The following RERE variants were observed in gnomAD, a reference collection of about 807,000 sequenced individuals.
RERE encodes the protein arginine-glutamic acid dipeptide repeats protein.
RERE carries 40 observed loss-of-function variants against 146.1 expected under a neutral mutation model. That is an observed-to-expected ratio of 0.27 (90% CI 0.21 to 0.36). RERE has a LOEUF of 0.36. RERE is among the 10% of genes least tolerant of loss of function. The probability of loss-of-function intolerance (pLI) is 1.00; values close to 1 mark genes in which losing one functional copy is unlikely to be tolerated. For synonymous variants in RERE, 1,003 were observed against 866.0 expected, an observed-to-expected ratio of 1.16 and a Z score of -2.78; for missense variants, 1,933 against 2,138.7, an observed-to-expected ratio of 0.90 and a Z score of 1.90.
At chr1:8,508,728 C>T in intron 7 of RERE, 53 bp from the exon 8 acceptor site, 1 of 1,395,290 alleles carries the variant, frequency 7.2e-7, no homozygotes, top group Non-Finnish European at 1.0e-6. Flanking sequence ...TTGACATAAA[C>T]ATTCACACAT....
At position 8,354,717 on chromosome 1, in the gene RERE, T is replaced by G. The variant is rs1641221979; in HGVS notation, c.*370A>C. The G allele has an allele frequency of 5.0e-6, 1 of 200,394 alleles. No homozygotes were observed. Among genetic ancestry groups the G allele is most frequent in the African/African-American group, 2.3e-5 (1 of 43,332 alleles). 12.4% of individuals were successfully genotyped at this position (200,394 alleles called of 1,614,324 possible). A position where few individuals can be genotyped will look rare whatever the true frequency, so the allele number is the denominator to read the frequency against. On this transcript the variant is annotated 3_prime_UTR_variant, in exon 23 of 23. Transcript: ENST00000400908. ...GGGCTCTGGAGCACTCGTGGCGGAGTGTGTCAGTGTGTCTGCACGCACAGT... is the reference window on the plus strand; with the variant it reads ...GGGCTCTGGAGCACTCGTGGCGGAGGGTGTCAGTGTGTCTGCACGCACAGT...
At chr1:8,440,003 G>A (rs996138336) in intron 11 of RERE, among the ~76,000 whole-genome samples, 1 of 152,160 alleles carries the variant, frequency 6.6e-6, no homozygotes, top group African/African-American at 2.4e-5. Context: ...CAACCCGGGA[G>A]GCAGAGGTTG....
At chr1:8,548,921 T>C (rs773463731) in intron 6 of RERE, among the ~76,000 whole-genome samples, 9 of 152,084 alleles carry the variant, frequency 5.9e-5, no homozygotes, top group South Asian at 2.1e-4. Flanking sequence ...GAGGCAGAGG[T>C]TGCAGTGAGC....
At chr1:8,603,217 A>C (rs544280978) in intron 4 of RERE, among the ~76,000 whole-genome samples, 3 of 152,280 alleles carry the variant, frequency 2.0e-5, no homozygotes, top group Non-Finnish European at 4.4e-5. Context: ...TTTACATATA[A>C]CTAAGTAGTA....
intron 11 of RERE, among the ~76,000 whole-genome samples, chr1:8,453,801 T>A (rs1644417538): frequency 7.5e-6 from 1 of 133,010 alleles, no homozygotes; most frequent in South Asian, 2.4e-4. Flanking sequence ...AGAGCAAGAC[T>A]CTGTCTCAAA....
At chr1:8,714,305 C>T (rs1465815355) in intron 1 of RERE, among the ~76,000 whole-genome samples, 1 of 152,178 alleles carries the variant, frequency 6.6e-6, no homozygotes, top group Non-Finnish European at 1.5e-5. Flanking sequence ...CAAGGGGCAT[C>T]ATTCAAGTAA....
intron 1 of RERE, among the ~76,000 whole-genome samples, chr1:8,682,699 A>C (rs1638998446): frequency 6.6e-6 from 1 of 152,226 alleles, no homozygotes; most frequent in Non-Finnish European, 1.5e-5. Flanking sequence ...AGAAATGTGA[A>C]GCATGTAATA....
At chr1:8,561,215 A>G (rs1646074316) in intron 4 of RERE, among the ~76,000 whole-genome samples, 1 of 152,224 alleles carries the variant, frequency 6.6e-6, no homozygotes, top group African/African-American at 2.4e-5. Context: ...TGGATTCCCC[A>G]ATGCAGTACT....
intron 1 of RERE, among the ~76,000 whole-genome samples, chr1:8,669,735 C>T (rs1483182550): frequency 6.6e-6 from 1 of 152,176 alleles, no homozygotes. Context: ...GGCTTACTAT[C>T]TCTGTATAGC....
At chr1:8,573,441 C>G (rs1414300341) in intron 4 of RERE, among the ~76,000 whole-genome samples, 2 of 152,090 alleles carry the variant, frequency 1.3e-5, no homozygotes, top group African/African-American at 4.8e-5. Context: ...TTTGTTCTTT[C>G]AGCATTACAC....
At chr1:8,393,290 G>A (rs1021714447) in intron 12 of RERE, among the ~76,000 whole-genome samples, 1 of 152,108 alleles carries the variant, frequency 6.6e-6, no homozygotes, top group Non-Finnish European at 1.5e-5. Context: ...TCTTATTTCC[G>A]CCTCCATCAA....
intron 1 of RERE, among the ~76,000 whole-genome samples, chr1:8,797,164 A>T (rs1445530018): frequency 6.6e-6 from 1 of 152,202 alleles, no homozygotes; most frequent in Non-Finnish European, 1.5e-5. Context: ...ACTTGAGGCC[A>T]GGAGTTCAAG....
chr1:8,622,576 T>C (rs1298778947), intron 3 of RERE, among the ~76,000 whole-genome samples: 3 of 149,364 alleles, frequency 2.0e-5, no homozygotes, highest in African/African-American at 7.4e-5. Context: ...TAAAAATTCA[T>C]ATAGACATAA....
At chr1:8,570,074 C>T (rs969934106) in intron 4 of RERE, among the ~76,000 whole-genome samples, 3 of 152,120 alleles carry the variant, frequency 2.0e-5, no homozygotes, top group African/African-American at 7.2e-5. Flanking sequence ...TGCGGTGGCT[C>T]ATGCCTGTAA....
chr1:8,783,720 G>A (rs1311399150), intron 1 of RERE, among the ~76,000 whole-genome samples: 1 of 152,082 alleles, frequency 6.6e-6, no homozygotes. Context: ...AAACCATCCA[G>A]TGCCTTCCCC....
chr1:8,756,507 C>G (rs1640641666), intron 1 of RERE, among the ~76,000 whole-genome samples: 2 of 152,050 alleles, frequency 1.3e-5, no homozygotes, highest in Non-Finnish European at 2.9e-5. Flanking sequence ...TCAGTACAAT[C>G]AAAATGAGAA....
intron 12 of RERE, among the ~76,000 whole-genome samples, chr1:8,411,955 G>A (rs1052817379): frequency 3.9e-5 from 6 of 151,928 alleles, no homozygotes; most frequent in African/African-American, 1.5e-4. Context: ...CACCTCCCTC[G>A]ACAACTTAAG....
At chr1:8,489,977 G>A (rs1570325417) in intron 10 of RERE, among the ~76,000 whole-genome samples, 1 of 151,682 alleles carries the variant, frequency 6.6e-6, no homozygotes, top group Middle Eastern at 3.4e-3. Flanking sequence ...GTGAACCCGG[G>A]AGGCAGAGCT....
intron 1 of RERE, among the ~76,000 whole-genome samples, chr1:8,667,505 A>C (rs1317058151): frequency 6.6e-6 from 1 of 152,160 alleles, no homozygotes; most frequent in Non-Finnish European, 1.5e-5. Flanking sequence ...GCGAAATCCC[A>C]TCTCTACTAA....
Sources: allele counts gnomAD v4.1 joint callset (sites outside exome capture counted in the v4.1 genomes callset), GRCh38; gene constraint gnomAD v4.1.1; transcripts MANE v1.5; gene names NCBI Gene and HGNC (gene_info 2026-07-23, HGNC 2026-07-21).